Variants in MICAL2 observed in about 807,000 individuals in gnomAD.
The protein encoded by MICAL2 is microtubule associated monooxygenase, calponin and LIM domain containing 2, also known as [F-actin]-monooxygenase MICAL2.
In MICAL2, 77 loss-of-function variants were observed where a neutral mutation model predicts 127.3. That is an observed-to-expected ratio of 0.60 (90% confidence interval 0.50 to 0.73). The LOEUF (loss-of-function observed/expected upper bound fraction) is 0.73. Ranked by LOEUF, MICAL2 falls within the 30% of genes least tolerant of loss-of-function variation. The probability of loss-of-function intolerance (pLI) is 0.00; values close to 1 mark genes in which losing one functional copy is unlikely to be tolerated. For synonymous variants in MICAL2, 570 were observed against 551.1 expected (o/e 1.03, Z -0.48); for missense variants, 1,351 against 1,434.4 (o/e 0.94, Z 0.94).
chr11:12,216,437 C>A, intron 8 of MICAL2, 118 bp downstream of exon 8: 1 of 756,724 alleles, frequency 1.3e-6, no homozygotes, highest in Non-Finnish European at 2.3e-6. Context: ...GGGGAAGGTG[C>A]CACCAGCTTA....
chr11:12,241,231 C>A, intron 18 of MICAL2, 69 bp downstream of exon 18: 1 of 1,547,176 alleles, frequency 6.5e-7, no homozygotes, highest in South Asian at 1.2e-5. Flanking sequence ...TGGGTGGGGT[C>A]AGTGGCTCTT....
intron 1 of MICAL2, among the ~76,000 whole-genome samples, chr11:12,129,111 C>A (rs7926383): frequency 0.19 from 28,807 of 148,746 alleles, 3,087 homozygotes; most frequent in South Asian, 0.32. Context: ...CTCCCCTTTA[C>A]AAGACCATGA....
At chr11:12,154,433 A>G (rs914418489) in intron 2 of MICAL2, among the ~76,000 whole-genome samples, 4 of 152,178 alleles carry the variant, frequency 2.6e-5, no homozygotes, top group African/African-American at 9.7e-5. Context: ...ATGTGTATGT[A>G]AGAGGGGTTG....
At position 12,241,142 on chromosome 11, in the gene MICAL2, T is replaced by A. The variant is rs1201562697; in HGVS notation, c.2317T>A (p.Ser773Thr). ...PKPEEATPSP[S>T]PPLKRQFPSV... is the part of the protein sequence containing the mutation. ...GCCGGAGGAGGCCACACCCAGCCCATCACCTCCTCTGAAAAGGCAGGTAGG... is the reference window on the plus strand; with the variant it reads ...GCCGGAGGAGGCCACACCCAGCCCAACACCTCCTCTGAAAAGGCAGGTAGG... The change falls in exon 18 of 28, where the codon TCA becomes ACA. Residue 773 changes from serine to threonine, a missense_variant. By Grantham distance (58) the Ser-to-Thr change is moderately conservative. Transcript: ENST00000683283. 6.2e-7 allele frequency: 1 copy of A among 1,613,884 alleles called. No individual in the cohort carries two copies. Among genetic ancestry groups the A allele is most frequent in the Non-Finnish European group, 8.5e-7 (1 of 1,179,964 alleles).
rs372942983 is a variant in MICAL2 at position 12,224,749 on chromosome 11, C to T, written c.1617C>T (p.Thr539=). ...QTEGYQHVNV[T]DLTTSWRSGL... The stretch of plus-strand genomic sequence containing the variant: ...AGGGCTACCAGCATGTCAACGTCAC[C>T]GACCTGACCACATCCTGGCGCAGTG... The change falls in exon 13 of 28, where the codon ACC becomes ACT. Residue 539 remains threonine, a synonymous_variant. Coordinates refer to ENST00000683283, the MANE Select transcript of MICAL2 (RefSeq NM_001282663.2). 42 of 1,614,100 alleles carry T rather than the reference C, an allele frequency of 2.6e-5. No homozygotes were observed. Among genetic ancestry groups the T allele is most frequent in the Middle Eastern group, 3.3e-4 (2 of 6,084 alleles).
Position 12,233,413 on chromosome 11 carries a change from G to A in MICAL2, c.1996-2764G>A, listed in dbSNP as rs116920438. 2.5e-3 allele frequency among the ~76,000 whole-genome samples: 386 copies of A among 152,286 alleles called. 2 individuals carry two copies. Among genetic ancestry groups the A allele is most frequent in the Non-Finnish European group, 2.6e-3 (179 of 68,022 alleles). ...GCCCAAATCAACAAAACCATAGCCT[G>A]CAATGGTCAACCTCTCTTCCTATGA... On this transcript the variant is annotated intron_variant, in intron 15 of 27. Transcript: ENST00000683283.
intron 32 of MICAL2, among the ~76,000 whole-genome samples, chr11:12,332,104 C>G (rs1938649542): frequency 2.0e-5 from 3 of 152,174 alleles, no homozygotes; most frequent in Admixed American, 2.0e-4. Flanking sequence ...GCAATAAAAG[C>G]TGTTCAACAA....
intron 21 of MICAL2, 77 bp from the exon 22 acceptor site, chr11:12,249,107 C>T: frequency 6.3e-7 from 1 of 1,592,510 alleles, no homozygotes; most frequent in Non-Finnish European, 8.6e-7. Context: ...TGTAAAGCTT[C>T]TCTTTCCCCA....
chr11:12,268,115 G>A (rs1358746044), downstream of MICAL2, among the ~76,000 whole-genome samples: 2 of 152,206 alleles, frequency 1.3e-5, no homozygotes, highest in Non-Finnish European at 2.9e-5. Flanking sequence ...CAGCCATCTC[G>A]GGCTGGGGAA....
chr11:12,209,577 G>A lies in MICAL2; in HGVS notation c.670G>A (p.Gly224Ser). Residue 224 changes from glycine to serine, a missense_variant, in exon 6 of 28, where the codon GGC becomes AGC. Gly to Ser is a moderately conservative substitution (Grantham distance 56). Transcript: ENST00000683283. The stretch of plus-strand genomic sequence containing the variant: ...GTTTGACGTCATCATTGGTGCCGAT[G>A]GCCGCAGGAACACCCTGGAAGGTGA... ...FEFDVIIGADGRRNTLEGFRR... is the reference protein window; with the variant it reads ...FEFDVIIGADSRRNTLEGFRR... 6.2e-7 allele frequency: 1 copy of A among 1,614,026 alleles called. No individual in the cohort carries two copies. The highest frequency in any genetic ancestry group is 2.2e-5 in the East Asian group (1 of 44,882).
chr11:12,229,212 C>T (rs915484462), intron 15 of MICAL2, among the ~76,000 whole-genome samples: 2 of 152,188 alleles, frequency 1.3e-5, no homozygotes, highest in African/African-American at 4.8e-5. Flanking sequence ...TTTGCCAACC[C>T]CAGGAGCAGG....
intron 32 of MICAL2, among the ~76,000 whole-genome samples, chr11:12,337,108 T>C (rs1938777616): frequency 6.6e-6 from 1 of 152,226 alleles, no homozygotes. Context: ...TGGTAAGCTA[T>C]TAATTATTGC....
At chr11:12,299,306 A>T (rs1391244780) in intron 29 of MICAL2, among the ~76,000 whole-genome samples, 1 of 152,156 alleles carries the variant, frequency 6.6e-6, no homozygotes, top group Non-Finnish European at 1.5e-5. Context: ...TCCACCAAAC[A>T]CACACTCACA....
intron 2 of MICAL2, 64 bp from the exon 3 acceptor site, chr11:12,162,015 G>A (rs1590130479): frequency 9.0e-7 from 1 of 1,116,990 alleles, no homozygotes; most frequent in Non-Finnish European, 1.3e-6. Flanking sequence ...TTACTTCTCA[G>A]CACCCATCCC....
chr11:12,123,890 A>G (rs966943436), intron 1 of MICAL2, among the ~76,000 whole-genome samples: 3 of 152,142 alleles, frequency 2.0e-5, no homozygotes, highest in South Asian at 2.1e-4. Context: ...CAGACCATAT[A>G]TTGTATTTAT....
At chr11:12,325,739 A>C (rs1295028638) in intron 31 of MICAL2, among the ~76,000 whole-genome samples, 5 of 152,024 alleles carry the variant, frequency 3.3e-5, no homozygotes, top group Non-Finnish European at 7.4e-5. Flanking sequence ...CACCTGGATT[A>C]CCTCCTTAAA....
At chr11:12,221,793 G>T in intron 10 of MICAL2, 34 bp downstream of exon 10, 3 of 1,570,444 alleles carry the variant, frequency 1.9e-6, no homozygotes, top group Non-Finnish European at 2.6e-6. Context: ...TAACTGGGGG[G>T]CAGGGCACTC....
downstream of MICAL2, among the ~76,000 whole-genome samples, chr11:12,296,703 T>C (rs1317721578): frequency 6.6e-6 from 1 of 151,928 alleles, no homozygotes; most frequent in Non-Finnish European, 1.5e-5. Context: ...GTGATAGATA[T>C]TGTCATCAGT....
At position 12,224,766 on chromosome 11, in the gene MICAL2, G is replaced by C; in HGVS notation, c.1634G>C (p.Trp545Ser). The C allele has an allele frequency of 6.2e-7, 1 of 1,614,214 alleles. No individual in the cohort carries two copies. Among genetic ancestry groups the C allele is most frequent in the Non-Finnish European group, 8.5e-7 (1 of 1,180,030 alleles). The change falls in exon 13 of 28, where the codon TGG (tryptophan) becomes TCG (serine). Residue 545 changes from tryptophan (W) to serine (S), a missense_variant. By Grantham distance (177) the Trp-to-Ser change is radical. Transcript: ENST00000683283. ...AACGTCACCGACCTGACCACATCCT[G>C]GCGCAGTGGGTTGGCCCTGTGTGCC... ...HVNVTDLTTS[W>S]RSGLALCAII... is the part of the protein sequence containing the mutation.
Sources: gnomAD v4.1 joint callset for allele counts (sites outside exome capture counted in the v4.1 genomes callset) on GRCh38, gnomAD v4.1.1 for gene constraint, MANE v1.5 for transcripts, NCBI Gene and HGNC (gene_info 2026-07-23, HGNC 2026-07-21) for gene names.